Variants in RIMBP2 observed in about 807,000 individuals in gnomAD.
RIMBP2 encodes RIMS binding protein 2.
RIMBP2 carries 48 observed loss-of-function variants against 118.6 expected under a neutral mutation model. The observed-to-expected ratio is 0.40, with a 90% CI of 0.32 to 0.51. The LOEUF (loss-of-function observed/expected upper bound fraction) is 0.51. Ranked by LOEUF, RIMBP2 falls within the 20% of genes least tolerant of loss-of-function variation. The probability of loss-of-function intolerance (pLI) is 0.41; values close to 1 mark genes in which losing one functional copy is unlikely to be tolerated. For missense variants in RIMBP2, 1,551 were observed against 1,768.3 expected (o/e 0.88, Z 2.20); for synonymous variants, 762 against 742.9 (o/e 1.03, Z -0.42).
At chr12:130,636,930 A>G (rs1216980643) in intron 1 of RIMBP2, among the ~76,000 whole-genome samples, 1 of 152,218 alleles carries the variant, frequency 6.6e-6, no homozygotes, top group Non-Finnish European at 1.5e-5. Context: ...AACCCAAACC[A>G]ATACACACCT....
At chr12:130,550,171 C>T (rs775267805) in intron 2 of RIMBP2, among the ~76,000 whole-genome samples, 23 of 152,146 alleles carry the variant, frequency 1.5e-4, no homozygotes, top group Non-Finnish European at 2.4e-4. Flanking sequence ...CATGAGTGAG[C>T]GTGTTTGTCC....
chr12:130,496,182 G>A (rs1446394327), intron 4 of RIMBP2, among the ~76,000 whole-genome samples: 1 of 152,142 alleles, frequency 6.6e-6, no homozygotes, highest in African/African-American at 2.4e-5. Flanking sequence ...GGAGATAATT[G>A]GATCATGGGG....
chr12:130,494,310 T>A (rs1002214536), intron 4 of RIMBP2, among the ~76,000 whole-genome samples: 3 of 152,046 alleles, frequency 2.0e-5, no homozygotes, highest in Admixed American at 6.6e-5. Flanking sequence ...TGCCCCCGCC[T>A]CCACAGTCTC....
chr12:130,438,932 GA>G (rs1020687020), intron 11 of RIMBP2, among the ~76,000 whole-genome samples: 2 of 152,082 alleles, frequency 1.3e-5, no homozygotes, highest in Non-Finnish European at 2.9e-5. Context: ...TCGAATGGAA[GA>G]GAGATCTTGG....
intron 6 of RIMBP2, among the ~76,000 whole-genome samples, chr12:130,467,446 G>A (rs118073517): frequency 0.02 from 3,115 of 152,234 alleles, 87 homozygotes; most frequent in East Asian, 0.16. Flanking sequence ...GGACAGCTTC[G>A]ACCCCCTATG....
chr12:130,598,998 C>T (rs2059717833), intron 2 of RIMBP2, among the ~76,000 whole-genome samples: 1 of 152,142 alleles, frequency 6.6e-6, no homozygotes, highest in African/African-American at 2.4e-5. Context: ...TGAGCCACCA[C>T]ACTAAGTTAC....
At chr12:130,557,658 C>G (rs1201514021) in intron 2 of RIMBP2, among the ~76,000 whole-genome samples, 2 of 152,232 alleles carry the variant, frequency 1.3e-5, no homozygotes, top group Non-Finnish European at 2.9e-5. Context: ...TTTGAAGCCA[C>G]CGAGTTGCTG....
At position 130,446,625 on chromosome 12, in the gene RIMBP2, C is replaced by G. The variant is rs971631987; in HGVS notation, c.582-1356G>C. ...ATGGGCCACCCTCTAACACAAAGCT[C>G]GGCAGTGGAACGGGACAAGAGCTCT... On this transcript the variant is annotated intron_variant, in intron 9 of 22. Coordinates refer to ENST00000690449, the MANE Select transcript of RIMBP2 (RefSeq NM_001393629.1). This position sits in a 1 kb window ranked among gnomAD's most constrained non-coding sequence, Gnocchi z 4.1. 1.3e-5 allele frequency among the ~76,000 whole-genome samples: 2 copies of G among 152,130 alleles called. No individual in the cohort carries two copies.
chr12:130,607,032 A>G (rs1330755072), intron 2 of RIMBP2, among the ~76,000 whole-genome samples: 2 of 151,956 alleles, frequency 1.3e-5, no homozygotes, highest in Non-Finnish European at 2.9e-5. Context: ...GAGTATCACC[A>G]TCTTGGCCAG....
At chr12:130,476,440 G>C (rs572951060) in intron 5 of RIMBP2, among the ~76,000 whole-genome samples, 2 of 152,146 alleles carry the variant, frequency 1.3e-5, no homozygotes, top group Non-Finnish European at 2.9e-5. Flanking sequence ...CAGCTAATCC[G>C]TGCCTCATGG....
chr12:130,503,398 AAG>A (rs2049992706), intron 4 of RIMBP2, among the ~76,000 whole-genome samples: 6 of 111,192 alleles, frequency 5.4e-5, no homozygotes, highest in Admixed American at 5.4e-4. Flanking sequence ...TCCATCTAAA[AAG>A]AAAAAACAAA....
Position 130,420,630 on chromosome 12 carries a change from G to C in RIMBP2, c.3238+1823C>G, listed in dbSNP as rs1283802816. Among the ~76,000 whole-genome samples, 1 of 152,160 alleles carries C rather than the reference G, an allele frequency of 6.6e-6. No homozygotes were observed. The highest frequency in any genetic ancestry group is 1.5e-5 in the Non-Finnish European group (1 of 68,034). Reference sequence around the variant, plus strand: ...AAGTCTCAACAATATACAGCCATTTGAAAAGCAATACTGATCTAGGAAAAT... The same window carrying C: ...AAGTCTCAACAATATACAGCCATTTCAAAAGCAATACTGATCTAGGAAAAT... On this transcript the variant is annotated intron_variant, in intron 17 of 22. Coordinates refer to ENST00000690449, the MANE Select transcript of RIMBP2 (RefSeq NM_001393629.1). This position sits in a 1 kb window ranked among gnomAD's most constrained non-coding sequence, Gnocchi z 4.3.
rs762052743 is a variant in RIMBP2, at chr12:130,441,877, G to A, written c.1475C>T (p.Ala492Val). 5 of 1,613,780 alleles carry A rather than the reference G, an allele frequency of 3.1e-6. No individual in the cohort carries two copies. The South Asian group carries it at 3.3e-5, about 11-fold the overall frequency. The stretch of plus-strand genomic sequence containing the variant: ...AGGCAACGTGGAGAACTCCACAAAG[G>A]CCTCCTTCTTCTCCCTTTGCTCCAG... Reference protein sequence around the residue: ...LPLEQREKKEAFVEFSTLPAG... With the variant: ...LPLEQREKKEVFVEFSTLPAG... The change falls in exon 11 of 23, where the codon GCC becomes GTC. Residue 492 changes from alanine to valine, a missense_variant. By Grantham distance (64) the Ala-to-Val change is moderately conservative. Around this residue, in one of 5 missense-constraint regions of RIMBP2, gnomAD observed 1,038 missense variants for 1,125.1 expected, o/e 0.92. Transcript: ENST00000690449.
intron 2 of RIMBP2, among the ~76,000 whole-genome samples, chr12:130,519,198 C>T (rs1346958609): frequency 3.9e-5 from 6 of 152,242 alleles, no homozygotes; most frequent in Non-Finnish European, 5.9e-5. Context: ...GTCTAGGCTC[C>T]ATTCACACAT....
intron 1 of RIMBP2, among the ~76,000 whole-genome samples, chr12:130,640,623 G>A (rs1454074275): frequency 6.6e-6 from 1 of 152,236 alleles, no homozygotes; most frequent in Non-Finnish European, 1.5e-5. Context: ...TAGGCACTGT[G>A]ATGACCTGCG....
intron 19 of RIMBP2, among the ~76,000 whole-genome samples, chr12:130,411,960 A>T (rs936153362): frequency 1.3e-5 from 2 of 152,190 alleles, no homozygotes; most frequent in Non-Finnish European, 2.9e-5. Context: ...TGAATGATAT[A>T]AAACTGATAT....
At chr12:130,557,416 G>A (rs2056456399) in intron 2 of RIMBP2, among the ~76,000 whole-genome samples, 1 of 152,234 alleles carries the variant, frequency 6.6e-6, no homozygotes, top group Non-Finnish European at 1.5e-5. Context: ...TGAAAATGCA[G>A]TCAGGCCTGC....
At chr12:130,414,437 A>G (rs778379762) in intron 17 of RIMBP2, 131 bp from the exon 18 acceptor site, 44 of 852,614 alleles carry the variant, frequency 5.2e-5, no homozygotes, top group Non-Finnish European at 7.9e-5. Flanking sequence ...GTGTCTTAAC[A>G]TGTAGGTGGA....
intron 2 of RIMBP2, among the ~76,000 whole-genome samples, chr12:130,608,448 G>C (rs2060315220): frequency 6.6e-6 from 1 of 152,236 alleles, no homozygotes; most frequent in Non-Finnish European, 1.5e-5. Flanking sequence ...TTCAGTCCAG[G>C]CTACGTGTGC....
Sources: allele counts gnomAD v4.1 joint callset (sites outside exome capture counted in the v4.1 genomes callset), GRCh38; gene constraint gnomAD v4.1.1; regional missense constraint gnomAD v4.1.1; non-coding constraint Gnocchi (gnomAD v3.1); transcripts MANE v1.5; gene names NCBI Gene and HGNC (gene_info 2026-07-23, HGNC 2026-07-21).